Variants in RAB37 observed in about 807,000 individuals in gnomAD.
RAB37 encodes ras-related protein Rab-37.
A neutral mutation model predicts 33.1 loss-of-function variants in RAB37; 29 were observed. That is an observed-to-expected ratio of 0.88 (90% confidence interval 0.65 to 1.20). The LOEUF is 1.20. RAB37 is among the 50% of genes most tolerant of loss of function. The pLI, the probability that RAB37 is intolerant of heterozygous loss-of-function variation, is 0.00. For synonymous variants in RAB37, 128 were observed against 119.5 expected, an observed-to-expected ratio of 1.07 and a Z score of -0.47; for missense variants, 299 against 301.1, an observed-to-expected ratio of 0.99 and a Z score of 0.05.
intron 1 of RAB37, among the ~76,000 whole-genome samples, chr17:74,690,797 T>G (rs898902080): frequency 6.6e-6 from 1 of 152,232 alleles, no homozygotes. Context: ...TTGACTGGAC[T>G]GGCTCATGAC....
At chr17:74,723,562 C>G (rs1567808250) in intron 1 of RAB37, among the ~76,000 whole-genome samples, 1 of 151,362 alleles carries the variant, frequency 6.6e-6, no homozygotes, top group Non-Finnish European at 1.5e-5. Flanking sequence ...CTGTCTGAAC[C>G]ACAATTAACT....
rs2034758606 is a variant in RAB37 at position 74,746,312 on chromosome 17, C to T, written c.*901C>T. 1 of 152,236 alleles carries T rather than the reference C, an allele frequency of 6.6e-6. No individual in the cohort carries two copies. Among genetic ancestry groups the T allele is most frequent in the Non-Finnish European group, 1.5e-5 (1 of 68,076 alleles). The allele number at this position is 152,236 out of a possible 1,614,324, so 9.4% of individuals were successfully genotyped here. A position where few individuals can be genotyped will look rare whatever the true frequency, so the allele number is the denominator to read the frequency against. On this transcript the variant is annotated 3_prime_UTR_variant, in exon 9 of 9. Coordinates refer to ENST00000392613, the MANE Select transcript of RAB37 (RefSeq NM_001006638.3). The surrounding 1 kb of genome is among the most constrained non-coding windows in gnomAD (Gnocchi z 5.2). ...ATCTCCGCTCACTACAACCTCCACTCCCTGGGGCTCAAGCGATCCTCCCAC... is the reference window on the plus strand; with the variant it reads ...ATCTCCGCTCACTACAACCTCCACTTCCTGGGGCTCAAGCGATCCTCCCAC...
Position 74,695,207 on chromosome 17 carries a change from C to G in RAB37, c.72+23549C>G. ...AGGTCGGTTCCTGATCCTCAGCACCCAAGGTCAGAGATGCATAGGAAATGT... is the reference window on the plus strand; with the variant it reads ...AGGTCGGTTCCTGATCCTCAGCACCGAAGGTCAGAGATGCATAGGAAATGT... On this transcript the variant is annotated intron_variant, in intron 1 of 7. Coordinates refer to the RAB37 transcript ENST00000340415. The G allele has an allele frequency of 6.2e-7, 1 of 1,614,164 alleles. No homozygotes were observed. The highest frequency in any genetic ancestry group is 1.3e-5 in the African/African-American group (1 of 75,048).
chr17:74,690,731 C>A (rs2032143410), intron 1 of RAB37, among the ~76,000 whole-genome samples: 1 of 152,172 alleles, frequency 6.6e-6, no homozygotes, highest in Admixed American at 6.5e-5. Flanking sequence ...CAGAGAGAAC[C>A]CAGACACTTC....
intron 1 of RAB37, among the ~76,000 whole-genome samples, chr17:74,728,977 C>T (rs1001955245): frequency 3.4e-5 from 5 of 147,362 alleles, no homozygotes; most frequent in South Asian, 2.2e-4. Context: ...CATGTGTGTA[C>T]GTGTATGTGT....
chr17:74,721,713 G>A (rs57718178), intron 1 of RAB37, among the ~76,000 whole-genome samples: 1 of 152,158 alleles, frequency 6.6e-6, no homozygotes. Context: ...ACAGGCATGA[G>A]CCACCACGCC....
intron 1 of RAB37, among the ~76,000 whole-genome samples, chr17:74,722,261 C>T (rs560956942): frequency 5.3e-4 from 77 of 144,110 alleles, no homozygotes; most frequent in African/African-American, 1.8e-3. Context: ...CTGGCCTGGG[C>T]GACAGAGCGA....
At chr17:74,743,438 G>A (rs908988835) in intron 5 of RAB37, 98 bp downstream of exon 5, 43 of 1,212,514 alleles carry the variant, frequency 3.5e-5, no homozygotes, top group Admixed American at 6.8e-5. Context: ...CGGGTGGAGC[G>A]TGGAGTCCTC....
chr17:74,740,825 G>A lies in RAB37; in HGVS notation c.151G>A (p.Asp51Asn), dbSNP rs1248364080. Residue 51 changes from aspartate to asparagine, a missense_variant, in exon 2 of 9, where the codon GAC becomes AAC. Physicochemically the swap from Asp to Asn is conservative, Grantham distance 23. Coordinates refer to ENST00000392613, the MANE Select transcript of RAB37 (RefSeq NM_001006638.3). ...GKTCFLIQFK[D>N]GAFLSGTFIA... ...AACATGTTTCCTGATCCAATTCAAA[G>A]ACGGGGCCTTCCTGTCCGGAACCTT... 2 of 1,614,166 alleles carry A rather than the reference G, an allele frequency of 1.2e-6. No homozygotes were observed. The highest frequency in any genetic ancestry group is 1.7e-5 in the Admixed American group (1 of 60,030).
Position 74,744,549 on chromosome 17 carries a change from G to A in RAB37, c.432+176G>A, listed in dbSNP as rs2034704491. On this transcript the variant is annotated intron_variant, in intron 6 of 8. Transcript: ENST00000392613. This position sits in a 1 kb window ranked among gnomAD's most constrained non-coding sequence, Gnocchi z 4.2. ...GCCCATCCCATCTGCCCCTTCCAGG[G>A]AAAGTCCAAGTTGTTGCCTGAGAAA... is the stretch of plus-strand genomic sequence containing the variant. 1.5e-6 allele frequency: 1 copy of A among 665,682 alleles called. No homozygotes were observed. The highest frequency in any genetic ancestry group is 2.6e-6 in the Non-Finnish European group (1 of 384,146). 41.2% of individuals were successfully genotyped at this position (665,682 alleles called of 1,614,324 possible). A position where few individuals can be genotyped will look rare whatever the true frequency, so the allele number is the denominator to read the frequency against.
At chr17:74,697,226 G>A (rs78292629) in intron 1 of RAB37, among the ~76,000 whole-genome samples, 2,627 of 152,260 alleles carry the variant, frequency 0.017, 41 homozygotes, top group South Asian at 0.041. Flanking sequence ...TTATAGGCAT[G>A]AGCCACGACA....
At chr17:74,728,540 GTT>G (rs2034337068) in intron 1 of RAB37, among the ~76,000 whole-genome samples, 1 of 151,880 alleles carries the variant, frequency 6.6e-6, no homozygotes, top group African/African-American at 2.4e-5. Flanking sequence ...GTGTGCATGT[GTT>G]TGTGTGTGTG....
intron 1 of RAB37, chr17:74,696,369 G>A (rs2032477261): frequency 1.3e-6 from 1 of 758,996 alleles, no homozygotes; most frequent in Non-Finnish European, 2.1e-6. Context: ...TTCCTCAGAT[G>A]ACACAGTCTG....
intron 1 of RAB37, among the ~76,000 whole-genome samples, chr17:74,722,885 T>A (rs1030533330): frequency 1.1e-4 from 17 of 152,344 alleles, no homozygotes; most frequent in African/African-American, 3.8e-4. Context: ...AGAAGGTCAC[T>A]CAGAGCCACT....
chr17:74,742,176 G>A lies in RAB37; in HGVS notation c.205-78G>A. The A allele has an allele frequency of 6.4e-7, 1 of 1,564,474 alleles. No individual in the cohort carries two copies. Among genetic ancestry groups the A allele is most frequent in the African/African-American group, 1.4e-5 (1 of 73,542 alleles). On this transcript the variant is annotated intron_variant, in intron 2 of 8. Transcript: ENST00000392613. The surrounding 1 kb of genome is among the most constrained non-coding windows in gnomAD (Gnocchi z 4.0). ...CTGCACCCACTCTAGGCCTGGAGAG[G>A]GAACAAGACAGGACGTCTGCAGAGC...
At chr17:74,723,445 C>G (rs1052036445) in intron 1 of RAB37, among the ~76,000 whole-genome samples, 34 of 151,986 alleles carry the variant, frequency 2.2e-4, no homozygotes, top group Non-Finnish European at 8.8e-5. Context: ...TTGAAACCAC[C>G]TGTCCCCATT....
intron 3 of RAB37, 23 bp from the exon 4 acceptor site, chr17:74,743,106 T>C: frequency 6.2e-7 from 1 of 1,607,692 alleles, no homozygotes; most frequent in Non-Finnish European, 8.5e-7. Context: ...TTCTGACCAT[T>C]TCTCCATCCC....
Position 74,698,357 on chromosome 17 carries a change from A to G in RAB37, c.72+26699A>G, listed in dbSNP as rs371420753. 8 of 1,590,192 alleles carry G rather than the reference A, an allele frequency of 5.0e-6. No homozygotes were observed. The African/African-American group carries it at 9.4e-5, about 19-fold the overall frequency. ...GCCCAGTCTCAGCCCAGCCTCACCC[A>G]GGTCCTCTCACCTTTCTGCTGGTAC... On this transcript the variant is annotated intron_variant, in intron 1 of 7. Transcript: ENST00000340415.
intron 1 of RAB37, among the ~76,000 whole-genome samples, chr17:74,680,046 G>A (rs2031922291): frequency 6.6e-6 from 1 of 151,592 alleles, no homozygotes; most frequent in African/African-American, 2.4e-5. Context: ...CAGCATTGTG[G>A]AAGCCTGAAT....
Sources: gnomAD v4.1 joint callset for allele counts (sites outside exome capture counted in the v4.1 genomes callset) on GRCh38, gnomAD v4.1.1 for gene constraint, Gnocchi (gnomAD v3.1) non-coding constraint, MANE v1.5 for transcripts, NCBI Gene and HGNC (gene_info 2026-07-23, HGNC 2026-07-21) for gene names.